SYNPR: variants seen among roughly 807,000 people sequenced by gnomAD.
SYNPR encodes the protein synaptoporin.
SYNPR carries 23 observed loss-of-function variants against 32.9 expected under a neutral mutation model. That is an observed-to-expected ratio of 0.70 (90% confidence interval 0.50 to 0.99). The LOEUF (loss-of-function observed/expected upper bound fraction) is 0.99. Among genes scored for constraint, SYNPR ranks in the 50% least tolerant of loss-of-function variants. SYNPR has a pLI of 0.00. For missense variants in SYNPR, 318 were observed against 349.3 expected, an observed-to-expected ratio of 0.91 and a Z score of 0.71; for synonymous variants, 146 against 135.9, an observed-to-expected ratio of 1.07 and a Z score of -0.52.
rs372535018 is a variant in SYNPR, at chr3:63,441,230, C to T, written c.85-39602C>T. On this transcript the variant is annotated intron_variant, in intron 2 of 5. Coordinates refer to ENST00000478300, the MANE Select transcript of SYNPR (RefSeq NM_001130003.2). ...CTCAAATAAAATGATATACCAAAAA[C>T]ACCCACATAGAATAGTATCTGGCAA... 9.8e-5 allele frequency among the ~76,000 whole-genome samples: 15 copies of T among 152,304 alleles called. No individual in the cohort carries two copies. In the East Asian group the frequency reaches 2.3e-3, roughly 23 times the overall value.
At chr3:63,353,536 T>G (rs1170422968) in intron 2 of SYNPR, among the ~76,000 whole-genome samples, 1 of 152,142 alleles carries the variant, frequency 6.6e-6, no homozygotes, top group African/African-American at 2.4e-5. Context: ...AAGTGGAGAT[T>G]CGGGAATTAG....
intron 2 of SYNPR, among the ~76,000 whole-genome samples, chr3:63,324,676 T>G (rs114664641): frequency 3.3e-3 from 496 of 152,184 alleles, no homozygotes; most frequent in Admixed American, 5.3e-3. Context: ...AGAGTCCTCT[T>G]TGGTGCTTTG....
intron 3 of SYNPR, among the ~76,000 whole-genome samples, chr3:63,524,747 C>T (rs1701975513): frequency 6.6e-6 from 1 of 152,026 alleles, no homozygotes; most frequent in African/African-American, 2.4e-5. Context: ...CTGCTTTTAA[C>T]TATCAATATC....
At chr3:63,415,561 C>T (rs1483380185) in intron 2 of SYNPR, among the ~76,000 whole-genome samples, 2 of 152,148 alleles carry the variant, frequency 1.3e-5, no homozygotes, top group Admixed American at 6.5e-5. Context: ...GTCACAACTG[C>T]TCCACTCAGC....
intron 3 of SYNPR, among the ~76,000 whole-genome samples, chr3:63,543,828 T>C (rs1269937546): frequency 6.6e-6 from 1 of 152,108 alleles, no homozygotes; most frequent in African/African-American, 2.4e-5. Context: ...CTAATTGCTT[T>C]TCACTCTCTA....
intron 2 of SYNPR, among the ~76,000 whole-genome samples, chr3:63,387,449 A>C (rs775206291): frequency 1.7e-4 from 26 of 152,026 alleles, no homozygotes; most frequent in Non-Finnish European, 3.1e-4. Flanking sequence ...TGTAGCCCCT[A>C]CCTCTTTTGA....
chr3:63,443,304 T>A, intron 2 of SYNPR: 1 of 1,486,084 alleles, frequency 6.7e-7, no homozygotes, highest in Non-Finnish European at 8.9e-7. Flanking sequence ...TCCCTCTGCA[T>A]TGATTTTCTT....
At chr3:63,448,530 T>C (rs13099553) in intron 2 of SYNPR, among the ~76,000 whole-genome samples, 30,458 of 152,180 alleles carry the variant, frequency 0.2, 3,340 homozygotes, top group Non-Finnish European at 0.25. Flanking sequence ...TAGATCTCCA[T>C]GAGGGAGGAA....
intron 2 of SYNPR, among the ~76,000 whole-genome samples, chr3:63,291,669 T>C (rs2086740009): frequency 6.6e-6 from 1 of 152,106 alleles, no homozygotes; most frequent in Non-Finnish European, 1.5e-5. Context: ...AGGAGATGAA[T>C]TTGAAATTTA....
Position 63,615,473 on chromosome 3 carries a change from C to G in SYNPR, c.850C>G (p.Gln284Glu). 1 of 1,612,960 alleles carries G rather than the reference C, an allele frequency of 6.2e-7. No individual in the cohort carries two copies. The highest frequency in any genetic ancestry group is 8.5e-7 in the Non-Finnish European group (1 of 1,179,140). ...QPTGPTSFTN[Q>E]I is the part of the protein sequence containing the mutation. Reference sequence around the variant, plus strand: ...TACTGGCCCCACTTCCTTTACCAATCAGATTTAACAGAGTAGCATTTGCAT... The same window carrying G: ...TACTGGCCCCACTTCCTTTACCAATGAGATTTAACAGAGTAGCATTTGCAT... The change falls in exon 6 of 6, where the codon CAG (glutamine) becomes GAG (glutamate). Residue 284 changes from glutamine (Q) to glutamate (E), a missense_variant. Transcript: ENST00000478300.
chr3:63,599,493 C>T (rs1700007269), intron 4 of SYNPR, among the ~76,000 whole-genome samples: 1 of 152,208 alleles, frequency 6.6e-6, no homozygotes, highest in Non-Finnish European at 1.5e-5. Context: ...AGAACATTCA[C>T]ATGCTGTAGA....
chr3:63,459,354 A>T (rs1324417223), intron 2 of SYNPR, among the ~76,000 whole-genome samples: 1 of 151,968 alleles, frequency 6.6e-6, no homozygotes, highest in African/African-American at 2.4e-5. Context: ...CCACCTCCAT[A>T]ACTCAGACCA....
At chr3:63,250,659 C>T (rs2086323996) in intron 1 of SYNPR, among the ~76,000 whole-genome samples, 1 of 152,068 alleles carries the variant, frequency 6.6e-6, no homozygotes, top group Non-Finnish European at 1.5e-5. Flanking sequence ...ACTCTATAAG[C>T]TAGGTATGAT....
intron 3 of SYNPR, among the ~76,000 whole-genome samples, chr3:63,551,869 C>CTAGCTATTTATTTATT (rs1288589524): frequency 6.9e-6 from 1 of 144,758 alleles, no homozygotes; most frequent in African/African-American, 2.6e-5. Flanking sequence ...CAGCATCTAG[C>CTAGCTATTTATTTATT]TATTTATTTA....
At chr3:63,591,936 G>T (rs1310571468) in intron 4 of SYNPR, among the ~76,000 whole-genome samples, 2 of 144,544 alleles carry the variant, frequency 1.4e-5, no homozygotes, top group Admixed American at 1.4e-4. Context: ...AAAAAAAAAA[G>T]ATATGCCCAC....
intron 5 of SYNPR, among the ~76,000 whole-genome samples, chr3:63,611,364 C>G (rs1475220735): frequency 6.6e-6 from 1 of 152,174 alleles, no homozygotes; most frequent in African/African-American, 2.4e-5. Context: ...AGCCATTTGA[C>G]CGAAACTTGG....
At chr3:63,258,679 A>G (rs1472453826) in intron 2 of SYNPR, among the ~76,000 whole-genome samples, 2 of 152,010 alleles carry the variant, frequency 1.3e-5, no homozygotes, top group African/African-American at 4.8e-5. Flanking sequence ...AGCAAGAGCA[A>G]ACACATTCAA....
chr3:63,261,340 G>C (rs968050594), intron 2 of SYNPR, among the ~76,000 whole-genome samples: 22 of 151,850 alleles, frequency 1.4e-4, no homozygotes, highest in African/African-American at 5.3e-4. Context: ...TGATAGACAG[G>C]ATTAAGAAAA....
At chr3:63,574,289 A>C (rs554387638) in intron 4 of SYNPR, among the ~76,000 whole-genome samples, 1 of 152,292 alleles carries the variant, frequency 6.6e-6, no homozygotes, top group Non-Finnish European at 1.5e-5. Flanking sequence ...TAGTTTACTA[A>C]ACTTCATTCC....
Sources: allele counts gnomAD v4.1 joint callset (sites outside exome capture counted in the v4.1 genomes callset), GRCh38; gene constraint gnomAD v4.1.1; transcripts MANE v1.5; gene names NCBI Gene and HGNC (gene_info 2026-07-23, HGNC 2026-07-21).